SMPD3: variants seen among roughly 807,000 people sequenced by gnomAD.
SMPD3 encodes sphingomyelin phosphodiesterase 3, also known as nSMase-2.
SMPD3 carries 21 observed loss-of-function variants against 55.7 expected under a neutral mutation model. The ratio of observed to expected loss-of-function variants is 0.38; its 90% CI spans 0.27 to 0.54. The LOEUF (loss-of-function observed/expected upper bound fraction) is 0.54, where lower values mean the gene tolerates loss of function less well. SMPD3 is among the 20% of genes least tolerant of loss of function. The pLI is 0.80. For missense variants in SMPD3, 842 were observed against 899.6 expected, an observed-to-expected ratio of 0.94 and a Z score of 0.82; for synonymous variants, 457 against 404.3, an observed-to-expected ratio of 1.13 and a Z score of -1.56.
At chr16:68,428,231 CA>C (rs1417991453) in intron 1 of SMPD3, among the ~76,000 whole-genome samples, 3 of 152,128 alleles carry the variant, frequency 2.0e-5, no homozygotes, top group Admixed American at 2.0e-4. Flanking sequence ...GAGCATCTCC[CA>C]AGAAGATATG....
chr16:68,372,600 T>C (rs1387917152), intron 2 of SMPD3, among the ~76,000 whole-genome samples: 1 of 152,184 alleles, frequency 6.6e-6, no homozygotes, highest in East Asian at 1.9e-4. Context: ...TTGGAGCGAA[T>C]AGCTTGGTGA....
chr16:68,383,544 C>T (rs185750638), intron 2 of SMPD3, among the ~76,000 whole-genome samples: 56 of 152,276 alleles, frequency 3.7e-4, no homozygotes, highest in Admixed American at 3.4e-3. Flanking sequence ...GTCCTGGCGC[C>T]ATCCTCTTGC....
At chr16:68,410,789 C>A (rs569687359) in intron 1 of SMPD3, among the ~76,000 whole-genome samples, 10 of 152,348 alleles carry the variant, frequency 6.6e-5, no homozygotes, top group African/African-American at 2.4e-4. Flanking sequence ...AACTGAAGGG[C>A]ACAATGTTCC....
chr16:68,387,963 T>C (rs2090075051), intron 1 of SMPD3, among the ~76,000 whole-genome samples: 1 of 152,214 alleles, frequency 6.6e-6, no homozygotes, highest in Non-Finnish European at 1.5e-5. Flanking sequence ...CAGAAAAGGC[T>C]TGGGCTCTAA....
intron 1 of SMPD3, among the ~76,000 whole-genome samples, chr16:68,428,823 G>T (rs1427816321): frequency 6.6e-6 from 1 of 152,198 alleles, no homozygotes; most frequent in African/African-American, 2.4e-5. Flanking sequence ...CCTGGACACA[G>T]ATGGTCATGC....
intron 2 of SMPD3, among the ~76,000 whole-genome samples, chr16:68,383,045 G>A: frequency 6.6e-6 from 1 of 152,116 alleles, no homozygotes; most frequent in East Asian, 1.9e-4. Flanking sequence ...CACCATGTTG[G>A]CCAGGCTGGT....
intron 1 of SMPD3, among the ~76,000 whole-genome samples, chr16:68,408,809 C>T (rs890475709): frequency 6.6e-6 from 1 of 152,170 alleles, no homozygotes; most frequent in African/African-American, 2.4e-5. Flanking sequence ...AGGTTTCTGC[C>T]TGGTACTGGC....
At chr16:68,379,137 G>A (rs762519178) in intron 2 of SMPD3, among the ~76,000 whole-genome samples, 4 of 152,230 alleles carry the variant, frequency 2.6e-5, no homozygotes, top group African/African-American at 4.8e-5. Flanking sequence ...CAAACCTCCT[G>A]TGGCTCCCCG....
intron 1 of SMPD3, among the ~76,000 whole-genome samples, chr16:68,407,489 T>C (rs1166775580): frequency 6.6e-6 from 1 of 152,190 alleles, no homozygotes; most frequent in Non-Finnish European, 1.5e-5. Flanking sequence ...GAGTCTATTG[T>C]TGTATTTTTA....
In SMPD3 at chr16:68,361,589, CCCT is replaced by C; in HGVS notation, c.1866+11_1866+13del. 6.2e-7 allele frequency: 1 copy of C among 1,604,956 alleles called. No homozygotes were observed. On this transcript the variant is annotated intron_variant, in intron 8 of 8. Coordinates refer to ENST00000219334, the MANE Select transcript of SMPD3 (RefSeq NM_018667.4). ...TCTTTGCATGGCCCTGGCTGCTGGG[CCCT>C]CCTGACTCACGGCCTTCCAGTCTGG...
At chr16:68,413,112 C>T (rs1040232139) in intron 1 of SMPD3, among the ~76,000 whole-genome samples, 3 of 152,222 alleles carry the variant, frequency 2.0e-5, no homozygotes, top group Admixed American at 6.5e-5. Context: ...GGAATGCCTG[C>T]TCTTTGACAC....
chr16:68,399,620 G>A (rs1187312984), intron 1 of SMPD3, among the ~76,000 whole-genome samples: 3 of 152,182 alleles, frequency 2.0e-5, no homozygotes, highest in African/African-American at 7.2e-5. Flanking sequence ...AGAGGCAGCT[G>A]ATGCAATGTA....
intron 1 of SMPD3, among the ~76,000 whole-genome samples, chr16:68,393,279 T>C (rs1364345): frequency 0.78 from 119,163 of 152,134 alleles, 47,518 homozygotes; most frequent in African/African-American, 0.94. Context: ...GTGGTGTGAG[T>C]CTGTAGTCCC....
chr16:68,427,690 T>C (rs1399128747), intron 1 of SMPD3, among the ~76,000 whole-genome samples: 1 of 151,996 alleles, frequency 6.6e-6, no homozygotes, highest in African/African-American at 2.4e-5. Flanking sequence ...TGATTCTGGG[T>C]TGAGAACTGT....
chr16:68,378,988 A>G (rs1241273816), intron 2 of SMPD3, among the ~76,000 whole-genome samples: 2 of 152,222 alleles, frequency 1.3e-5, no homozygotes, highest in Non-Finnish European at 2.9e-5. Flanking sequence ...AGACTTTCCA[A>G]TTAATGATTC....
At chr16:68,412,569 C>T (rs915153957) in intron 1 of SMPD3, among the ~76,000 whole-genome samples, 3 of 152,240 alleles carry the variant, frequency 2.0e-5, no homozygotes, top group Admixed American at 2.0e-4. Flanking sequence ...CAGAGCCTAC[C>T]TGCTTCATTT....
chr16:68,376,628 C>T (rs572888363), intron 2 of SMPD3, among the ~76,000 whole-genome samples: 1 of 152,322 alleles, frequency 6.6e-6, no homozygotes, highest in African/African-American at 2.4e-5. Context: ...AGAATGACAT[C>T]CCCCAACACC....
chr16:68,363,040 G>A (rs968914953), intron 7 of SMPD3, among the ~76,000 whole-genome samples: 1 of 152,182 alleles, frequency 6.6e-6, no homozygotes, highest in Non-Finnish European at 1.5e-5. Flanking sequence ...GGATGGAACT[G>A]TCTCTACTTT....
intron 1 of SMPD3, among the ~76,000 whole-genome samples, chr16:68,424,931 T>C (rs1457832285): frequency 1.3e-5 from 2 of 152,218 alleles, no homozygotes; most frequent in Non-Finnish European, 2.9e-5. Flanking sequence ...AGGCTGGTCT[T>C]GAACTCCTGG....
Sources: gnomAD v4.1 joint callset for allele counts (sites outside exome capture counted in the v4.1 genomes callset) on GRCh38, gnomAD v4.1.1 for gene constraint, MANE v1.5 for transcripts, NCBI Gene and HGNC (gene_info 2026-07-23, HGNC 2026-07-21) for gene names.